Variants in RRP1B observed in about 807,000 individuals in gnomAD.
RRP1B encodes ribosomal RNA processing 1B, also known as ribosomal RNA processing protein 1 homolog B.
In RRP1B, 56 loss-of-function variants were observed where a neutral mutation model predicts 80.2. That is an observed-to-expected ratio of 0.70 (90% CI 0.56 to 0.87). The LOEUF is 0.87. Ranked by LOEUF, RRP1B falls within the 40% of genes least tolerant of loss-of-function variation. The pLI is 0.00. For synonymous variants in RRP1B, 351 were observed against 357.6 expected (o/e 0.98, Z 0.21); for missense variants, 807 against 939.8 (o/e 0.86, Z 1.85).
intron 11 of RRP1B, 107 bp from the exon 12 acceptor site, chr21:43,686,697 G>A (rs920193201): frequency 3.1e-5 from 41 of 1,304,384 alleles, no homozygotes; most frequent in East Asian, 4.7e-5. Flanking sequence ...GAAACGGTGA[G>A]GAACGATGAT....
Position 43,684,363 on chromosome 21 carries a change from G to A in RRP1B, c.892-190G>A, listed in dbSNP as rs549612285. ...TGGGATTACAGGCATGAGCCACCGC[G>A]CCCGGCCTGAACATGCATTTTTCAA... On this transcript the variant is annotated intron_variant, in intron 9 of 15. Coordinates refer to ENST00000340648, the MANE Select transcript of RRP1B (RefSeq NM_015056.3). Among the ~76,000 whole-genome samples, 631 of 152,190 alleles carry A rather than the reference G, an allele frequency of 4.1e-3. 7 individuals are homozygous for A. Among genetic ancestry groups the A allele is most frequent in the African/African-American group, 0.014 (597 of 41,514 alleles).
At chr21:43,690,144 T>C (rs1568961052) in intron 13 of RRP1B, 144 bp from the exon 14 acceptor site, 1 of 795,074 alleles carries the variant, frequency 1.3e-6, no homozygotes, top group East Asian at 2.7e-5. Flanking sequence ...GGAAGGGCTG[T>C]CTGCAAGTGC....
At chr21:43,690,256 C>A (rs1237363944) in intron 13 of RRP1B, 32 bp from the exon 14 acceptor site, 1 of 1,611,068 alleles carries the variant, frequency 6.2e-7, no homozygotes, top group Admixed American at 1.7e-5. Context: ...TCGTCTGACC[C>A]CTCCTCCGCT....
intron 1 of RRP1B, among the ~76,000 whole-genome samples, chr21:43,666,417 C>A (rs2082978178): frequency 6.6e-6 from 1 of 152,106 alleles, no homozygotes; most frequent in Non-Finnish European, 1.5e-5. Context: ...CTTCACTTTC[C>A]CCCTTAAAAC....
chr21:43,664,860 G>A (rs115324951), intron 1 of RRP1B, among the ~76,000 whole-genome samples: 283 of 152,264 alleles, frequency 1.9e-3, no homozygotes, highest in African/African-American at 6.3e-3. Flanking sequence ...AAAACCGTTA[G>A]ATCTCATGAG....
At chr21:43,672,768 A>G (rs1470454845) in intron 3 of RRP1B, among the ~76,000 whole-genome samples, 2 of 152,160 alleles carry the variant, frequency 1.3e-5, no homozygotes, top group Non-Finnish European at 1.5e-5. Flanking sequence ...AACCATAGAG[A>G]AAAAAAATTA....
chr21:43,671,516 C>T (rs753776850), intron 2 of RRP1B, among the ~76,000 whole-genome samples: 2 of 151,938 alleles, frequency 1.3e-5, no homozygotes, highest in Admixed American at 6.6e-5. Flanking sequence ...TACAGGTGCA[C>T]GCCTCCATGC....
At chr21:43,669,663 C>T (rs765607938) in intron 1 of RRP1B, among the ~76,000 whole-genome samples, 7 of 152,176 alleles carry the variant, frequency 4.6e-5, no homozygotes, top group African/African-American at 9.7e-5. Flanking sequence ...ACGCTGAGGC[C>T]GGGCCACCAC....
At chr21:43,677,053 G>C in intron 8 of RRP1B, 139 bp downstream of exon 8, 1 of 839,244 alleles carries the variant, frequency 1.2e-6, no homozygotes, top group Non-Finnish European at 1.8e-6. Flanking sequence ...CCCAAGAAAG[G>C]CAGCAGAGGT....
At chr21:43,661,772 G>A (rs575748708) in intron 1 of RRP1B, among the ~76,000 whole-genome samples, 5 of 152,230 alleles carry the variant, frequency 3.3e-5, no homozygotes, top group South Asian at 2.1e-4. Context: ...CCTAAGCCCC[G>A]TGTAACTGCT....
chr21:43,677,761 T>C (rs890944247), intron 8 of RRP1B, among the ~76,000 whole-genome samples: 2 of 152,258 alleles, frequency 1.3e-5, no homozygotes, highest in Non-Finnish European at 2.9e-5. Flanking sequence ...ATAAAATGTT[T>C]GGTTTTCCAT....
rs147386983 is a variant in RRP1B, at chr21:43,681,328, T to A, written c.797-1951T>A. On this transcript the variant is annotated intron_variant, in intron 8 of 15. Transcript: ENST00000340648. ...GAATCAAGAACCTTTTTTTTCTTTT[T>A]AATTTTTAGACCTGGTGGACGGGAA... Among the ~76,000 whole-genome samples the A allele has an allele frequency of 3.8e-3, 573 of 152,026 alleles. 3 individuals are homozygous for A. Among genetic ancestry groups the A allele is most frequent in the African/African-American group, 0.013 (541 of 41,444 alleles).
At chr21:43,688,614 G>A (rs1398882440) in intron 13 of RRP1B, among the ~76,000 whole-genome samples, 2 of 152,142 alleles carry the variant, frequency 1.3e-5, no homozygotes, top group Non-Finnish European at 2.9e-5. Flanking sequence ...AGGCCCCTTT[G>A]GCAAAAGAGG....
Position 43,687,967 on chromosome 21 carries a change from C to T in RRP1B, c.1593C>T (p.Pro531=), listed in dbSNP as rs754791305. 7.4e-6 allele frequency: 12 copies of T among 1,613,048 alleles called. No individual in the cohort carries two copies. The highest frequency in any genetic ancestry group is 2.2e-5 in the East Asian group (1 of 44,892). ...GGAAGCGGAAACTTGGAGTTGTGCCCGTCAATGGCAGTGGCCTGTCCACGC... is the reference window on the plus strand; with the variant it reads ...GGAAGCGGAAACTTGGAGTTGTGCCTGTCAATGGCAGTGGCCTGTCCACGC... ...LKRKRKLGVV[P]VNGSGLSTPA... is the part of the protein sequence containing the mutation. The change falls in exon 13 of 16, where the codon CCC becomes CCT. Residue 531 remains proline (P), a synonymous_variant. Transcript: ENST00000340648.
In RRP1B at chr21:43,692,303, T is replaced by G. The variant is rs148226323; in HGVS notation, c.2083+801T>G. ...TTGCTTTTACAAAGGAAACCAAAGTTTTAAAAAGTAGTATAGGCCAGGCGC... is the reference window on the plus strand; with the variant it reads ...TTGCTTTTACAAAGGAAACCAAAGTGTTAAAAAGTAGTATAGGCCAGGCGC... On this transcript the variant is annotated intron_variant, in intron 15 of 15. Transcript: ENST00000340648. Among the ~76,000 whole-genome samples, 71 of 152,160 alleles carry G rather than the reference T, an allele frequency of 4.7e-4. No individual in the cohort carries two copies. The East Asian group carries it at 0.013, about 27-fold the overall frequency.
At chr21:43,682,922 G>C (rs934179915) in intron 8 of RRP1B, among the ~76,000 whole-genome samples, 2 of 152,072 alleles carry the variant, frequency 1.3e-5, no homozygotes, top group Non-Finnish European at 2.9e-5. Context: ...GCCCGGGCTG[G>C]AGTGCAGTGG....
At chr21:43,677,343 T>A (rs9984720) in intron 8 of RRP1B, among the ~76,000 whole-genome samples, 9,342 of 152,260 alleles carry the variant, frequency 0.061, 949 homozygotes, top group African/African-American at 0.21. Context: ...GGGAATGTTT[T>A]TCTTTTTCTT....
rs1373304425 is a variant in RRP1B, at chr21:43,695,474, A to G, written c.*2091A>G. ...AGTGACAGGGTGCTTCTTAGATTCT[A>G]TTGGTCCTTCTCTCATTCTCCGAAC... On this transcript the variant is annotated 3_prime_UTR_variant, in exon 16 of 16. Transcript: ENST00000340648. 2 of 152,232 alleles carry G rather than the reference A, an allele frequency of 1.3e-5. No individual in the cohort carries two copies. Among genetic ancestry groups the G allele is most frequent in the South Asian group, 4.1e-4 (2 of 4,824 alleles). 9.4% of individuals were successfully genotyped at this position (152,232 alleles called of 1,614,324 possible).
chr21:43,672,060 A>G (rs974728345), intron 2 of RRP1B, among the ~76,000 whole-genome samples: 2 of 152,234 alleles, frequency 1.3e-5, no homozygotes, highest in Admixed American at 6.5e-5. Context: ...ATAATTAGAG[A>G]TGCTTTTTTA....
Sources: gnomAD v4.1 joint callset for allele counts (sites outside exome capture counted in the v4.1 genomes callset) on GRCh38, gnomAD v4.1.1 for gene constraint, MANE v1.5 for transcripts, NCBI Gene and HGNC (gene_info 2026-07-23, HGNC 2026-07-21) for gene names.